The following ADAMTS18 variants were observed in gnomAD, a reference collection of about 807,000 sequenced individuals.
ADAMTS18 encodes ADAM metallopeptidase with thrombospondin type 1 motif 18, also known as A disintegrin and metalloproteinase with thrombospondin motifs 18.
In ADAMTS18, 157 loss-of-function variants were observed where a neutral mutation model predicts 165.9. The ratio of observed to expected loss-of-function variants is 0.95; its 90% confidence interval spans 0.83 to 1.08. The LOEUF (loss-of-function observed/expected upper bound fraction) is 1.08. ADAMTS18 is among the 50% of genes least tolerant of loss of function. The pLI, the probability that ADAMTS18 is intolerant of heterozygous loss-of-function variation, is 0.00. For missense variants in ADAMTS18, 2,040 were observed against 1,534.0 expected (o/e 1.33, Z -5.51); for synonymous variants, 782 against 578.2 (o/e 1.35, Z -5.06).
intron 3 of ADAMTS18, among the ~76,000 whole-genome samples, chr16:77,388,544 T>C (rs1252212448): frequency 6.6e-6 from 1 of 152,224 alleles, no homozygotes; most frequent in Non-Finnish European, 1.5e-5. Context: ...TGAACTTGGA[T>C]GAGTTACTGA....
intron 3 of ADAMTS18, among the ~76,000 whole-genome samples, chr16:77,426,802 T>G (rs1045094510): frequency 6.6e-6 from 1 of 152,082 alleles, no homozygotes; most frequent in Non-Finnish European, 1.5e-5. Context: ...GCAGGAAGAT[T>G]GCTTGAGCCC....
chr16:77,403,700 T>C lies in ADAMTS18; in HGVS notation c.495+27595A>G, dbSNP rs192381060. 2.1e-4 allele frequency among the ~76,000 whole-genome samples: 32 copies of C among 152,332 alleles called. 1 individual carries two copies. In the East Asian group the frequency reaches 5.2e-3, roughly 25 times the overall value. ...TGTTAGGGGAGACTGAGTCATTCAT[T>C]CATTCAAAATAGATATGTTGAATAT... On this transcript the variant is annotated intron_variant, in intron 3 of 22. Transcript: ENST00000282849.
In ADAMTS18 at chr16:77,362,885, C is replaced by A. The variant is rs145072787; in HGVS notation, c.1057-621G>T. On this transcript the variant is annotated intron_variant, in intron 6 of 22. Coordinates refer to ENST00000282849, the MANE Select transcript of ADAMTS18 (RefSeq NM_199355.4). ...TTAGGATGTGGCTGGCTTCAAGGTC[C>A]TTGGGCAACCTATTAGTAGGCTAAA... Among the ~76,000 whole-genome samples the A allele has an allele frequency of 4.3e-4, 66 of 152,270 alleles. No homozygotes were observed. The East Asian group carries it at 0.012, about 27-fold the overall frequency.
chr16:77,393,327 T>C (rs1215815093), intron 3 of ADAMTS18, among the ~76,000 whole-genome samples: 2 of 152,150 alleles, frequency 1.3e-5, no homozygotes, highest in African/African-American at 4.8e-5. Context: ...TTTGCATTCA[T>C]CCAATAGGGA....
At chr16:77,334,901 T>C (rs1182041653) in intron 12 of ADAMTS18, among the ~76,000 whole-genome samples, 3 of 137,278 alleles carry the variant, frequency 2.2e-5, no homozygotes, top group Non-Finnish European at 3.1e-5. Flanking sequence ...ATACAGTATA[T>C]ATACTGTACA....
At chr16:77,356,541 A>G (rs1374845680) in intron 8 of ADAMTS18, among the ~76,000 whole-genome samples, 1 of 152,178 alleles carries the variant, frequency 6.6e-6, no homozygotes, top group African/African-American at 2.4e-5. Context: ...TAAGGCTAGC[A>G]TGGTATAAAA....
chr16:77,285,375 G>A (rs2055228995), intron 22 of ADAMTS18, among the ~76,000 whole-genome samples: 1 of 152,280 alleles, frequency 6.6e-6, no homozygotes, highest in African/African-American at 2.4e-5. Flanking sequence ...GTTTCACCAT[G>A]TTGGTCACGC....
intron 3 of ADAMTS18, among the ~76,000 whole-genome samples, chr16:77,414,810 T>A (rs2144835846): frequency 6.6e-6 from 1 of 152,284 alleles, no homozygotes; most frequent in Non-Finnish European, 1.5e-5. Flanking sequence ...GAATTCTTGG[T>A]TTACATCATT....
At chr16:77,413,285 A>G (rs1356755315) in intron 3 of ADAMTS18, among the ~76,000 whole-genome samples, 1 of 152,142 alleles carries the variant, frequency 6.6e-6, no homozygotes, top group Non-Finnish European at 1.5e-5. Context: ...AGGACTCAGC[A>G]AGGGAATAAA....
intron 16 of ADAMTS18, among the ~76,000 whole-genome samples, chr16:77,317,155 T>G (rs1045064187): frequency 6.6e-6 from 1 of 152,216 alleles, no homozygotes; most frequent in Non-Finnish European, 1.5e-5. Context: ...TACCACAATC[T>G]GTACATCTGC....
intron 10 of ADAMTS18, among the ~76,000 whole-genome samples, chr16:77,352,781 G>A (rs1165333902): frequency 1.3e-5 from 2 of 152,076 alleles, no homozygotes; most frequent in African/African-American, 4.8e-5. Context: ...ATTTCTCTTT[G>A]GATATTGGGA....
chr16:77,415,143 A>G (rs1313877801), intron 3 of ADAMTS18, among the ~76,000 whole-genome samples: 1 of 152,350 alleles, frequency 6.6e-6, no homozygotes, highest in East Asian at 1.9e-4. Flanking sequence ...ACTGCACCCA[A>G]TAAATGTTGA....
At chr16:77,294,110 C>A (rs2055420422) in intron 19 of ADAMTS18, among the ~76,000 whole-genome samples, 1 of 152,168 alleles carries the variant, frequency 6.6e-6, no homozygotes, top group African/African-American at 2.4e-5. Flanking sequence ...TACCTGGCCC[C>A]ATGGTTCAGG....
intron 10 of ADAMTS18, 120 bp downstream of exon 10, chr16:77,353,613 C>T (rs999762143): frequency 2.2e-5 from 30 of 1,341,932 alleles, no homozygotes; most frequent in Non-Finnish European, 2.8e-5. Flanking sequence ...ACAACTGACA[C>T]GGTAGAGATA....
intron 3 of ADAMTS18, among the ~76,000 whole-genome samples, chr16:77,407,274 CA>C (rs1191506948): frequency 6.6e-6 from 1 of 151,948 alleles, no homozygotes; most frequent in Non-Finnish European, 1.5e-5. Context: ...GCACGAATAA[CA>C]ATCTAAGAAT....
In ADAMTS18 at chr16:77,362,094, T is replaced by A; in HGVS notation, c.1216+11A>T. The A allele has an allele frequency of 6.2e-7, 1 of 1,613,974 alleles. No homozygotes were observed. Among genetic ancestry groups the A allele is most frequent in the Non-Finnish European group, 8.5e-7 (1 of 1,179,968 alleles). The stretch of plus-strand genomic sequence containing the variant: ...TAACAGGTGTGTGTGAAGGATCTGT[T>A]CATACCATACCTAGAGTGTCACATG... On this transcript the variant is annotated intron_variant, in intron 7 of 22. Coordinates refer to ENST00000282849, the MANE Select transcript of ADAMTS18 (RefSeq NM_199355.4).
At chr16:77,418,696 T>C (rs2057561768) in intron 3 of ADAMTS18, among the ~76,000 whole-genome samples, 1 of 152,208 alleles carries the variant, frequency 6.6e-6, no homozygotes, top group African/African-American at 2.4e-5. Context: ...TCTTTGGGCT[T>C]ACTGTCTTAC....
At chr16:77,334,795 C>CTATATACTATAGTATACAGTATATATAT (rs1567492084) in intron 12 of ADAMTS18, among the ~76,000 whole-genome samples, 3 of 20,346 alleles carry the variant, frequency 1.5e-4, no homozygotes, top group African/African-American at 3.2e-4. Flanking sequence ...AGTAAATATA[C>CTATATACTATAGTATACAGTATATATAT]TATATACTAT....
intron 2 of ADAMTS18, chr16:77,431,814 G>A: frequency 3.2e-6 from 2 of 616,002 alleles, no homozygotes; most frequent in South Asian, 3.8e-5. Context: ...CATTTCTACA[G>A]GTGCCCGAAA....
Sources: allele counts gnomAD v4.1 joint callset (sites outside exome capture counted in the v4.1 genomes callset), GRCh38; gene constraint gnomAD v4.1.1; transcripts MANE v1.5; gene names NCBI Gene and HGNC (gene_info 2026-07-23, HGNC 2026-07-21).